Variants in TTC38 observed in about 807,000 individuals in gnomAD.
The protein encoded by TTC38 is tetratricopeptide repeat protein 38.
A neutral mutation model predicts 64.2 loss-of-function variants in TTC38; 64 were observed. That is an observed-to-expected ratio of 1.00 (90% confidence interval 0.81 to 1.23). TTC38 has a LOEUF of 1.23. Ranked by LOEUF, TTC38 falls within the 50% of genes most tolerant of loss-of-function variation. TTC38 has a pLI of 0.00. For missense variants in TTC38, 573 were observed against 615.5 expected, an observed-to-expected ratio of 0.93 and a Z score of 0.73; for synonymous variants, 254 against 249.3, an observed-to-expected ratio of 1.02 and a Z score of -0.18.
At position 46,269,093 on chromosome 22, in the gene TTC38, C is replaced by CCG. The variant is rs1569011578; in HGVS notation, c.111+503_111+504insGC. On this transcript the variant is annotated intron_variant, in intron 2 of 13. Coordinates refer to ENST00000381031, the MANE Select transcript of TTC38 (RefSeq NM_017931.4). ...GAGGGTGGGGACATATCTCTGCCCC[C>CCG]CCCCCACAGCGTCCTAAAAGGGCCT... 1.4e-5 allele frequency: 6 copies of CCG among 419,098 alleles called. No individual in the cohort carries two copies. In the Admixed American group the frequency reaches 1.8e-4, roughly 13 times the overall value. 26.0% of individuals were successfully genotyped at this position (419,098 alleles called of 1,614,324 possible).
In TTC38 at chr22:46,272,183, G is replaced by T; in HGVS notation, c.112-152G>T. The T allele has an allele frequency of 1.8e-6, 1 of 568,222 alleles. No individual in the cohort carries two copies. The allele number at this position is 568,222 out of a possible 1,614,324, so 35.2% of individuals were successfully genotyped here. On this transcript the variant is annotated intron_variant, in intron 2 of 13. Coordinates refer to ENST00000381031, the MANE Select transcript of TTC38 (RefSeq NM_017931.4). The surrounding 1 kb of genome is among the most constrained non-coding windows in gnomAD (Gnocchi z 6.4). Reference sequence around the variant, plus strand: ...TTTTTCTATTTTTAGTAGAGATGGGGTTTTACCGTGTTGGTCAGGCTGGTC... The same window carrying T: ...TTTTTCTATTTTTAGTAGAGATGGGTTTTTACCGTGTTGGTCAGGCTGGTC...
chr22:46,279,720 C>G (rs2077519666), intron 6 of TTC38, among the ~76,000 whole-genome samples: 1 of 152,334 alleles, frequency 6.6e-6, no homozygotes, highest in Middle Eastern at 3.4e-3. Flanking sequence ...TGCTTTAACT[C>G]TGAGTCAGGG....
At position 46,275,328 on chromosome 22, in the gene TTC38, A is replaced by G. The variant is rs1936984916; in HGVS notation, c.446A>G (p.His149Arg). Residue 149 changes from histidine (H) to arginine (R), a missense_variant, in exon 5 of 14, where the codon CAT becomes CGT. By Grantham distance (29) the His-to-Arg change is conservative. Transcript: ENST00000381031. This position sits in a 1 kb window ranked among gnomAD's most constrained non-coding sequence, Gnocchi z 4.5. ...PTDMLALKFS[H>R]DAYFYLGYQE... Reference sequence around the variant, plus strand: ...GACATGTTGGCCCTGAAATTTTCCCATGATGCTTATTTTTACCTGGGCTAT... The same window carrying G: ...GACATGTTGGCCCTGAAATTTTCCCGTGATGCTTATTTTTACCTGGGCTAT... 6.2e-7 allele frequency: 1 copy of G among 1,614,154 alleles called. No homozygotes were observed. Among genetic ancestry groups the G allele is most frequent in the Non-Finnish European group, 8.5e-7 (1 of 1,179,998 alleles).
intron 1 of TTC38, 57 bp downstream of exon 1, chr22:46,268,129 C>T: frequency 1.3e-6 from 2 of 1,506,314 alleles, no homozygotes; most frequent in East Asian, 2.6e-5. Flanking sequence ...CTGGGGGTGG[C>T]CCGGTGCTGG....
rs2077539861 is a variant in TTC38, at chr22:46,282,148, G to A, written c.735+430G>A. ...CTCTGAGTTGGCTACTGAAGGATGA[G>A]CAGGTGTGTGCCACACAGAGGGGGA... is the stretch of plus-strand genomic sequence containing the variant. On this transcript the variant is annotated intron_variant, in intron 7 of 13. Transcript: ENST00000381031. This position sits in a 1 kb window ranked among gnomAD's most constrained non-coding sequence, Gnocchi z 4.4. The A allele has an allele frequency of 2.7e-6, 1 of 367,784 alleles. No individual in the cohort carries two copies. Among genetic ancestry groups the A allele is most frequent in the South Asian group, 2.0e-5 (1 of 49,648 alleles). 22.8% of individuals were successfully genotyped at this position (367,784 alleles called of 1,614,324 possible). A position where few individuals can be genotyped will look rare whatever the true frequency, so the allele number is the denominator to read the frequency against.
At position 46,278,640 on chromosome 22, in the gene TTC38, G is replaced by C. The variant is rs757235080; in HGVS notation, c.594G>C (p.Gln198His). 1.9e-6 allele frequency: 3 copies of C among 1,614,104 alleles called. No individual in the cohort carries two copies. Among genetic ancestry groups the C allele is most frequent in the Admixed American group, 1.7e-5 (1 of 60,010 alleles). ...TGATGGAAACCAACTTCTACGACCA[G>C]GCAGAAAAACTCGCCAAAGAGGTAA... ...FGLMETNFYD[Q>H]AEKLAKEALS... The change falls in exon 6 of 14, where the codon CAG (glutamine) becomes CAC (histidine). Residue 198 changes from glutamine to histidine, a missense_variant. Physicochemically the swap from Gln to His is conservative, Grantham distance 24. This residue lies in a region of TTC38 where 371 missense variants were observed against 381.8 expected (regional missense o/e 0.97). Coordinates refer to ENST00000381031, the MANE Select transcript of TTC38 (RefSeq NM_017931.4).
intron 6 of TTC38, among the ~76,000 whole-genome samples, chr22:46,279,495 T>G (rs957532609): frequency 2.6e-5 from 4 of 152,196 alleles, no homozygotes; most frequent in Non-Finnish European, 5.9e-5. Flanking sequence ...AGAGCCGGAT[T>G]CTACCCAGGC....
rs1431804744 is a variant in TTC38, at chr22:46,288,522, C to A, written c.1016C>A (p.Ala339Glu). Residue 339 changes from alanine to glutamate, a missense_variant, in exon 11 of 14, where the codon GCA becomes GAA. Ala to Glu is a moderately radical substitution (Grantham distance 107, BLOSUM62 -1). Coordinates refer to ENST00000381031, the MANE Select transcript of TTC38 (RefSeq NM_017931.4). ...TTCAATGACGCACACTTCCTGATGG[C>A]ATCCCTGGGTGCACACGACCCCCAG... ...LLFNDAHFLM[A>E]SLGAHDPQTT... The A allele has an allele frequency of 5.6e-6, 9 of 1,614,014 alleles. No individual in the cohort carries two copies. The South Asian group carries it at 9.9e-5, about 18-fold the overall frequency.
rs540819466 is a variant in TTC38 at position 46,271,910 on chromosome 22, A to C, written c.112-425A>C. The stretch of plus-strand genomic sequence containing the variant: ...GTATTTCATTTCTTCGTATGAAGAA[A>C]GTTATCAGCCAGGTTATGCCTTCTT... On this transcript the variant is annotated intron_variant, in intron 2 of 13. Transcript: ENST00000381031. This position sits in a 1 kb window ranked among gnomAD's most constrained non-coding sequence, Gnocchi z 5.5. Among the ~76,000 whole-genome samples, 220 of 152,370 alleles carry C rather than the reference A, an allele frequency of 1.4e-3. No homozygotes were observed. The highest frequency in any genetic ancestry group is 2.6e-3 in the Non-Finnish European group (179 of 68,040).
intron 6 of TTC38, 127 bp downstream of exon 6, chr22:46,278,788 A>T: frequency 1.3e-6 from 1 of 797,448 alleles, no homozygotes; most frequent in Non-Finnish European, 2.2e-6. Flanking sequence ...TTCCTCAGAG[A>T]GACTGGGGAG....
intron 2 of TTC38, among the ~76,000 whole-genome samples, chr22:46,269,861 T>A (rs1314388365): frequency 6.6e-6 from 1 of 152,196 alleles, no homozygotes; most frequent in Non-Finnish European, 1.5e-5. Flanking sequence ...GGCGCAGTCT[T>A]GACTCACTGC....
Position 46,274,774 on chromosome 22 carries a change from T to G in TTC38, c.366-474T>G, listed in dbSNP as rs570225396. Among the ~76,000 whole-genome samples, 233 of 152,216 alleles carry G rather than the reference T, an allele frequency of 1.5e-3. 2 individuals are homozygous for G. The highest frequency in any genetic ancestry group is 5.3e-3 in the African/African-American group (219 of 41,512). ...TTAAATTGAACTAAAGAGTAAAAGT[T>G]CCCACTGGGTTTTCAGTTTGTTTTC... is the stretch of plus-strand genomic sequence containing the variant. On this transcript the variant is annotated intron_variant, in intron 4 of 13. Coordinates refer to ENST00000381031, the MANE Select transcript of TTC38 (RefSeq NM_017931.4). This position sits in a 1 kb window ranked among gnomAD's most constrained non-coding sequence, Gnocchi z 4.8.
chr22:46,286,147 C>T (rs2077569961), intron 9 of TTC38, among the ~76,000 whole-genome samples: 1 of 151,966 alleles, frequency 6.6e-6, no homozygotes, highest in South Asian at 2.1e-4. Flanking sequence ...AACACTAACT[C>T]CCCATTCCTC....
At chr22:46,290,395 G>A (rs777228145) in intron 13 of TTC38, among the ~76,000 whole-genome samples, 4 of 151,464 alleles carry the variant, frequency 2.6e-5, no homozygotes, top group Non-Finnish European at 4.4e-5. Flanking sequence ...ACGTAAACTC[G>A]CACTGAGGGA....
In TTC38 at chr22:46,282,430, C is replaced by T. The variant is rs866973276; in HGVS notation, c.735+712C>T. On this transcript the variant is annotated intron_variant, in intron 7 of 13. Transcript: ENST00000381031. This position sits in a 1 kb window ranked among gnomAD's most constrained non-coding sequence, Gnocchi z 4.4. ...GGTGGAGGTGGGCCCTCTGGACAGA[C>T]GGGGCTGCATCAGGTGAGCCTATTG... 2.0e-4 allele frequency among the ~76,000 whole-genome samples: 30 copies of T among 152,160 alleles called. No homozygotes were observed. The highest frequency in any genetic ancestry group is 6.0e-4 in the African/African-American group (25 of 41,424).
chr22:46,284,130 C>T, intron 8 of TTC38, 98 bp downstream of exon 8: 1 of 991,058 alleles, frequency 1.0e-6, no homozygotes, highest in Non-Finnish European at 1.5e-6. Flanking sequence ...TCCGTTGGAG[C>T]CCTGATGCAA....
chr22:46,284,085 A>G, intron 8 of TTC38, 53 bp downstream of exon 8: 1 of 1,476,144 alleles, frequency 6.8e-7, no homozygotes, highest in South Asian at 1.2e-5. Flanking sequence ...GTCTAGAGGG[A>G]GAAAGATTTT....
rs1601877066 is a variant in TTC38, at chr22:46,281,520, T to C, written c.616-79T>C. The stretch of plus-strand genomic sequence containing the variant: ...GTTCAGCCCAGGCCCCTCTTGCCCC[T>C]TAGAGACCTGCCGTCGCCTGCCCCG... On this transcript the variant is annotated intron_variant, in intron 6 of 13. Coordinates refer to ENST00000381031, the MANE Select transcript of TTC38 (RefSeq NM_017931.4). This position sits in a 1 kb window ranked among gnomAD's most constrained non-coding sequence, Gnocchi z 5.2. The C allele has an allele frequency of 3.9e-6, 5 of 1,273,966 alleles. No individual in the cohort carries two copies. The highest frequency in any genetic ancestry group is 1.3e-5 in the South Asian group (1 of 78,064). The allele number at this position is 1,273,966 out of a possible 1,614,324, so 78.9% of individuals were successfully genotyped here.
At position 46,272,304 on chromosome 22, in the gene TTC38, G is replaced by T. The variant is rs371507955; in HGVS notation, c.112-31G>T. The T allele has an allele frequency of 9.5e-6, 15 of 1,585,858 alleles. No homozygotes were observed. The highest frequency in any genetic ancestry group is 5.0e-5 in the Admixed American group (3 of 59,808). Reference sequence around the variant, plus strand: ...TTTGTTAGAATGATCCAAGGGCTCCGTGAGGACTTGTTTTGCTTTTCCCAT... The same window carrying T: ...TTTGTTAGAATGATCCAAGGGCTCCTTGAGGACTTGTTTTGCTTTTCCCAT... On this transcript the variant is annotated intron_variant, in intron 2 of 13. Transcript: ENST00000381031. This position sits in a 1 kb window ranked among gnomAD's most constrained non-coding sequence, Gnocchi z 6.4.
Sources: gnomAD v4.1 joint callset for allele counts (sites outside exome capture counted in the v4.1 genomes callset) on GRCh38, gnomAD v4.1.1 for gene constraint, gnomAD v4.1.1 regional missense constraint, Gnocchi (gnomAD v3.1) non-coding constraint, MANE v1.5 for transcripts, NCBI Gene and HGNC (gene_info 2026-07-23, HGNC 2026-07-21) for gene names.